The following LRRC47 variants were observed in gnomAD, a reference collection of about 807,000 sequenced individuals.
The protein encoded by LRRC47 is leucine-rich repeat-containing protein 47.
A neutral mutation model predicts 40.9 loss-of-function variants in LRRC47; 31 were observed. The observed-to-expected ratio is 0.76, with a 90% CI of 0.57 to 1.02. The LOEUF (loss-of-function observed/expected upper bound fraction) is 1.02, where lower values mean the gene tolerates loss of function less well. Among genes scored for constraint, LRRC47 ranks in the 50% least tolerant of loss-of-function variants. The probability of loss-of-function intolerance (pLI) is 0.00; values close to 1 mark genes in which losing one functional copy is unlikely to be tolerated. For missense variants in LRRC47, 726 were observed against 796.1 expected, an observed-to-expected ratio of 0.91 and a Z score of 1.06; for synonymous variants, 427 against 371.9, an observed-to-expected ratio of 1.15 and a Z score of -1.70.
At chr1:3,795,722 GCTC>G (rs1221386182) in intron 1 of LRRC47, 137 bp downstream of exon 1, 10 of 1,155,562 alleles carry the variant, frequency 8.7e-6, no homozygotes, top group South Asian at 3.6e-5. Flanking sequence ...CCCGCAGCTG[GCTC>G]CTTTCAGCCT....
Position 3,796,110 on chromosome 1 carries a change from CG to C in LRRC47, c.366del (p.Ala123ProfsTer43). ...AGCTGCGGAAGGCCCGGCGGCTCGG[CG>C]GGGCCCAGGCCTTGGCCCGGCGGCA... is the stretch of plus-strand genomic sequence containing the variant. ...EALPPGQGLG[P>X]AEPPGLPQLQ... On this transcript the variant is annotated frameshift_variant, in exon 1 of 7. Coordinates refer to ENST00000378251, the MANE Select transcript of LRRC47 (RefSeq NM_020710.3). LOFTEE classifies it high-confidence loss of function. The C allele has an allele frequency of 6.8e-7, 1 of 1,461,622 alleles. No homozygotes were observed. The highest frequency in any genetic ancestry group is 9.0e-7 in the Non-Finnish European group (1 of 1,115,528). The allele number at this position is 1,461,622 out of a possible 1,614,324, so 90.5% of individuals were successfully genotyped here.
intron 1 of LRRC47, among the ~76,000 whole-genome samples, chr1:3,788,068 A>C (rs1643594194): frequency 1.3e-5 from 2 of 152,366 alleles, no homozygotes; most frequent in South Asian, 4.1e-4. Flanking sequence ...TGGAAGGGGT[A>C]CAGTGGCACC....
At chr1:3,787,844 G>C (rs559968081) in intron 1 of LRRC47, among the ~76,000 whole-genome samples, 2 of 152,206 alleles carry the variant, frequency 1.3e-5, no homozygotes, top group Non-Finnish European at 2.9e-5. Context: ...GTGACACACA[G>C]AGTGCTCTCA....
At chr1:3,794,210 TAAC>T (rs60200934) in intron 1 of LRRC47, among the ~76,000 whole-genome samples, 3,232 of 152,112 alleles carry the variant, frequency 0.021, 77 homozygotes, top group East Asian at 0.11. Context: ...ACAATAATAA[TAAC>T]AGTAAAACTC....
intron 5 of LRRC47, among the ~76,000 whole-genome samples, chr1:3,782,309 C>T (rs184065675): frequency 1.4e-3 from 215 of 152,038 alleles, no homozygotes; most frequent in African/African-American, 4.9e-3. Context: ...CCTCTGTCTC[C>T]TGGGGTTCAA....
At position 3,794,763 on chromosome 1, in the gene LRRC47, T is replaced by C. The variant is rs75433467; in HGVS notation, c.615+1099A>G. On this transcript the variant is annotated intron_variant, in intron 1 of 6. Transcript: ENST00000378251. ...AGTGTATACGTATTTTATTAAGAAATGTCCACATAGGCCAGGCGCGGTGGC... is the reference window on the plus strand; with the variant it reads ...AGTGTATACGTATTTTATTAAGAAACGTCCACATAGGCCAGGCGCGGTGGC... 5.5e-3 allele frequency among the ~76,000 whole-genome samples: 840 copies of C among 151,600 alleles called. 8 individuals carry two copies. Among genetic ancestry groups the C allele is most frequent in the African/African-American group, 0.019 (782 of 41,420 alleles).
rs76886946 is a variant in LRRC47 at position 3,782,923 on chromosome 1, A to G, written c.1311-160T>C. 7.1e-3 allele frequency: 4,362 copies of G among 613,930 alleles called. 28 individuals are homozygous for G. The highest frequency in any genetic ancestry group is 0.011 in the Non-Finnish European group (3,613 of 339,608). 38.0% of individuals were successfully genotyped at this position (613,930 alleles called of 1,614,324 possible). ...GGTGTGCTGTGCCAATGGAGTGTCT[A>G]CGCTAAGTCTGTCATCACTATGGTG... is the stretch of plus-strand genomic sequence containing the variant. On this transcript the variant is annotated intron_variant, in intron 4 of 6. Coordinates refer to ENST00000378251, the MANE Select transcript of LRRC47 (RefSeq NM_020710.3).
intron 4 of LRRC47, among the ~76,000 whole-genome samples, chr1:3,783,399 G>A (rs531369639): frequency 1.3e-3 from 160 of 125,348 alleles, no homozygotes; most frequent in African/African-American, 5.0e-3. Flanking sequence ...CAGCCTGGGC[G>A]ACAAGAGTGA....
At position 3,780,075 on chromosome 1, in the gene LRRC47, C is replaced by G. The variant is rs16824088; in HGVS notation, c.*1013G>C. 2 of 152,184 alleles carry G rather than the reference C, an allele frequency of 1.3e-5. No individual in the cohort carries two copies. The highest frequency in any genetic ancestry group is 6.5e-5 in the Admixed American group (1 of 15,270). 9.4% of individuals were successfully genotyped at this position (152,184 alleles called of 1,614,324 possible). On this transcript the variant is annotated 3_prime_UTR_variant, in exon 7 of 7. Transcript: ENST00000378251. ...CAAGATGCTGCGTCATAGAAAGTGA[C>G]CGTGCCGTTCAAGGAAACGCACATC...
Position 3,795,925 on chromosome 1 carries a change from C to T in LRRC47, c.552G>A (p.Leu184=). 6.2e-7 allele frequency: 1 copy of T among 1,601,136 alleles called. No homozygotes were observed. Residue 184 remains leucine (L), a synonymous_variant, in exon 1 of 7, where the codon CTG becomes CTA. Coordinates refer to ENST00000378251, the MANE Select transcript of LRRC47 (RefSeq NM_020710.3). ...RPGALPLLSE[L]AAADNCLREL... ...CTCGGAGGCAGTTGTCAGCAGCCGC[C>T]AGTTCACTGAGCAGGGGCAGCGCGC...
At chr1:3,792,398 C>T (rs894498863) in intron 1 of LRRC47, among the ~76,000 whole-genome samples, 1 of 151,730 alleles carries the variant, frequency 6.6e-6, no homozygotes, top group Non-Finnish European at 1.5e-5. Context: ...ACTTGAATGA[C>T]ATTGTTTTGG....
intron 1 of LRRC47, among the ~76,000 whole-genome samples, chr1:3,793,171 G>T (rs1028328509): frequency 3.3e-5 from 5 of 151,610 alleles, no homozygotes; most frequent in Non-Finnish European, 7.4e-5. Context: ...GAGTGCAATG[G>T]TATCATCTTG....
At chr1:3,793,776 G>T (rs1041142091) in intron 1 of LRRC47, among the ~76,000 whole-genome samples, 1 of 152,218 alleles carries the variant, frequency 6.6e-6, no homozygotes, top group Middle Eastern at 3.4e-3. Context: ...AAGCAGGACC[G>T]TTTCCCACAC....
chr1:3,793,124 T>G (rs574859250), intron 1 of LRRC47, among the ~76,000 whole-genome samples: 3 of 152,310 alleles, frequency 2.0e-5, no homozygotes, highest in Admixed American at 2.0e-4. Context: ...ACCTTTTTTT[T>G]TTTTTAAATG....
At chr1:3,787,423 G>T in intron 1 of LRRC47, 113 bp from the exon 2 acceptor site, 1 of 1,060,830 alleles carries the variant, frequency 9.4e-7, no homozygotes, top group Non-Finnish European at 1.3e-6. Flanking sequence ...CCACTGGCCT[G>T]TCTGTGGGGA....
At chr1:3,786,356 C>T (rs2124611241) in intron 2 of LRRC47, among the ~76,000 whole-genome samples, 2 of 152,150 alleles carry the variant, frequency 1.3e-5, no homozygotes, top group South Asian at 4.2e-4. Flanking sequence ...AAAAATTAGC[C>T]AGACATGATG....
At chr1:3,788,596 G>A (rs1487530368) in intron 1 of LRRC47, among the ~76,000 whole-genome samples, 1 of 152,164 alleles carries the variant, frequency 6.6e-6, no homozygotes, top group African/African-American at 2.4e-5. Flanking sequence ...CAAGCCCCAA[G>A]TTGTGAAGGA....
Position 3,786,985 on chromosome 1 carries a change from A to G in LRRC47, c.941T>C (p.Val314Ala), listed in dbSNP as rs1228510336. The change falls in exon 2 of 7, where the codon GTC becomes GCC. Residue 314 changes from valine (V) to alanine (A), a missense_variant. Physicochemically the swap from Val to Ala is moderately conservative, Grantham distance 64. Coordinates refer to ENST00000378251, the MANE Select transcript of LRRC47 (RefSeq NM_020710.3). ...TGTCAGAGGTACGGGGTTTTCAGAG[A>G]CGTGCAGGACCCTGAGCAGCAGCCG... ...AGRLLLRVLH[V>A]SENPVPLTVR... 1.9e-6 allele frequency: 3 copies of G among 1,611,724 alleles called. No homozygotes were observed. Among genetic ancestry groups the G allele is most frequent in the South Asian group, 2.2e-5 (2 of 90,666 alleles).
intron 2 of LRRC47, chr1:3,785,424 T>C (rs1643563358): frequency 7.3e-6 from 2 of 273,228 alleles, no homozygotes; most frequent in East Asian, 6.3e-5. Context: ...GAAAACTATC[T>C]TAACCTATCA....
Sources: allele counts gnomAD v4.1 joint callset (sites outside exome capture counted in the v4.1 genomes callset), GRCh38; gene constraint gnomAD v4.1.1; transcripts MANE v1.5; gene names NCBI Gene and HGNC (gene_info 2026-07-23, HGNC 2026-07-21).